NT5DC4: variants seen among roughly 807,000 people sequenced by gnomAD.
NT5DC4 encodes the protein 5'-nucleotidase domain-containing protein 4.
NT5DC4 carries 44 observed loss-of-function variants against 26.6 expected under a neutral mutation model. That is an observed-to-expected ratio of 1.65 (90% CI 1.30 to 2.13). NT5DC4 has a LOEUF of 2.13. Ranked by LOEUF, NT5DC4 falls within the 30% of genes most tolerant of loss-of-function variation. NT5DC4 has a pLI of 0.00. For missense variants in NT5DC4, 399 were observed against 228.1 expected, an observed-to-expected ratio of 1.75 and a Z score of -4.83; for synonymous variants, 157 against 86.7, an observed-to-expected ratio of 1.81 and a Z score of -4.51.
chr2:112,729,874 C>T (rs78197910), intron 16 of NT5DC4, among the ~76,000 whole-genome samples, 170 bp downstream of exon 16: 8 of 152,026 alleles, frequency 5.3e-5, no homozygotes, highest in South Asian at 2.1e-4. Context: ...TGTAAAAATG[C>T]GTATTATTTT....
Position 112,721,990 on chromosome 2 carries a change from C to T in NT5DC4, c.153C>T (p.Tyr51=). ...ATTCTGTCCGGGCCTCTGCAGCCTACAAGTCCCCAGCTTATGAGGCCCTGA... is the reference window on the plus strand; with the variant it reads ...ATTCTGTCCGGGCCTCTGCAGCCTATAAGTCCCCAGCTTATGAGGCCCTGA... ...GFDMDYTLAA[Y]KSPAYEALTF... is the part of the protein sequence containing the mutation. Residue 51 remains tyrosine, a synonymous_variant, in exon 3 of 17, where the codon TAC becomes TAT. Transcript: ENST00000688554. 2 of 717,310 alleles carry T rather than the reference C, an allele frequency of 2.8e-6. No homozygotes were observed. The highest frequency in any genetic ancestry group is 5.2e-6 in the Non-Finnish European group (2 of 385,086). The allele number at this position is 717,310 out of a possible 1,614,324, so 44.4% of individuals were successfully genotyped here.
Position 112,738,964 on chromosome 2 carries a change from G to A in NT5DC4, c.*28G>A, listed in dbSNP as rs1183232013. On this transcript the variant is annotated 3_prime_UTR_variant, in exon 17 of 17. Coordinates refer to ENST00000688554, the MANE Select transcript of NT5DC4 (RefSeq NM_001393655.1). ...CGTGTTCCTGCAGCATTTCTGGGTA[G>A]CGGGACACTGCTCGCTCAATCCTCG... is the stretch of plus-strand genomic sequence containing the variant. 6.2e-7 allele frequency: 1 copy of A among 1,614,200 alleles called. No homozygotes were observed. The highest frequency in any genetic ancestry group is 8.5e-7 in the Non-Finnish European group (1 of 1,180,032).
rs767313662 is a variant in NT5DC4, at chr2:112,724,844, C to G, written c.853C>G (p.Pro285Ala). 1.4e-6 allele frequency: 1 copy of G among 717,230 alleles called. No individual in the cohort carries two copies. Among genetic ancestry groups the G allele is most frequent in the South Asian group, 1.5e-5 (1 of 67,600 alleles). The allele number at this position is 717,230 out of a possible 1,614,324, so 44.4% of individuals were successfully genotyped here. A position where few individuals can be genotyped will look rare whatever the true frequency, so the allele number is the denominator to read the frequency against. Residue 285 changes from proline (P) to alanine (A), a missense_variant, in exon 11 of 17, where the codon CCC becomes GCC. Transcript: ENST00000688554. ...FDLIVVDTQK[P>A]HFFAEGLVLR... ...CCTGATCGTGGTGGACACGCAGAAG[C>G]CCCACTTCTTTGCAGAGGGGTTGGT...
At chr2:112,735,920 G>T (rs994172838) in intron 16 of NT5DC4, among the ~76,000 whole-genome samples, 1 of 152,152 alleles carries the variant, frequency 6.6e-6, no homozygotes, top group Non-Finnish European at 1.5e-5. Context: ...AATACTGTGA[G>T]ACATCCTGCA....
At chr2:112,741,465 T>C (rs1040138644), downstream of NT5DC4, among the ~76,000 whole-genome samples, 2 of 152,180 alleles carry the variant, frequency 1.3e-5, no homozygotes, top group African/African-American at 4.8e-5. Context: ...AAAAACTGTC[T>C]TGCATTAATA....
chr2:112,721,914 G>A (rs752853332), intron 2 of NT5DC4, 23 bp downstream of exon 2: 21 of 717,274 alleles, frequency 2.9e-5, no homozygotes, highest in East Asian at 1.9e-4. Flanking sequence ...GGAACACAGC[G>A]TATTGGGAGC....
chr2:112,722,255 C>A lies in NT5DC4; in HGVS notation c.339C>A (p.Ala113=). ...CCCACGGGAATGTGCTGCTGGGTGC[C>A]TATGGCTTCACCTTCCTCTCGGAGT... ...VDAHGNVLLG[A]YGFTFLSDLP... is the part of the protein sequence containing the mutation. The change falls in exon 4 of 17, where the codon GCC becomes GCA. Residue 113 remains alanine, a synonymous_variant. Transcript: ENST00000688554. The A allele has an allele frequency of 1.4e-6, 1 of 717,074 alleles. No homozygotes were observed. The highest frequency in any genetic ancestry group is 1.5e-5 in the South Asian group (1 of 67,606). 44.4% of individuals were successfully genotyped at this position (717,074 alleles called of 1,614,324 possible).
intron 16 of NT5DC4, chr2:112,737,738 A>G (rs1409609653): frequency 6.6e-6 from 1 of 152,182 alleles, no homozygotes; most frequent in Non-Finnish European, 1.5e-5. Flanking sequence ...CTTTGATCAA[A>G]GTCCATTCTC....
chr2:112,741,234 G>A (rs1179449902), downstream of NT5DC4, among the ~76,000 whole-genome samples: 1 of 152,056 alleles, frequency 6.6e-6, no homozygotes, highest in Non-Finnish European at 1.5e-5. Flanking sequence ...CAGCCCCCGA[G>A]ACTGCTGTAC....
chr2:112,726,927 C>T (rs1336604673), intron 15 of NT5DC4, 189 bp downstream of exon 15: 2 of 626,408 alleles, frequency 3.2e-6, no homozygotes, highest in Non-Finnish European at 5.8e-6. Context: ...CAAAGGGCAG[C>T]GGTACCCTCT....
chr2:112,724,283 C>T, intron 10 of NT5DC4, 157 bp downstream of exon 10: 2 of 659,466 alleles, frequency 3.0e-6, no homozygotes, highest in South Asian at 1.7e-5. Flanking sequence ...TGGAAGCTCC[C>T]CAGTGGGTAG....
chr2:112,721,628 TCA>T (rs1194829908), intron 1 of NT5DC4, 188 bp from the exon 2 acceptor site: 1 of 716,972 alleles, frequency 1.4e-6, no homozygotes, highest in Non-Finnish European at 2.6e-6. Context: ...ACATGCACAC[TCA>T]CACTTGCCTT....
rs1159925922 is a variant in NT5DC4 at position 112,735,290 on chromosome 2, C to T, written c.1345-3623C>T. Among the ~76,000 whole-genome samples the T allele has an allele frequency of 2.6e-5, 4 of 152,034 alleles. No homozygotes were observed. The East Asian group carries it at 5.8e-4, about 22-fold the overall frequency. On this transcript the variant is annotated intron_variant, in intron 16 of 16. Coordinates refer to ENST00000688554, the MANE Select transcript of NT5DC4 (RefSeq NM_001393655.1). ...AACTCCCGACATCAAATGATCCACC[C>T]GCCTCGACTTCCCAAAGTGCTGGGA...
upstream of NT5DC4, among the ~76,000 whole-genome samples, chr2:112,719,840 T>TTCCCTCCCTCCTTCCC (rs1676657762): frequency 1.3e-5 from 1 of 78,334 alleles, no homozygotes. Flanking sequence ...CCTTCCTTCC[T>TTCCCTCCCTCCTTCCC]TCCCTCCCTC....
chr2:112,721,744 AC>A (rs1676887793), intron 1 of NT5DC4, 73 bp from the exon 2 acceptor site: 5 of 716,316 alleles, frequency 7.0e-6, no homozygotes, highest in South Asian at 5.9e-5. Context: ...CGGGGTTTCC[AC>A]CCCCTCTGTC....
rs200736867 is a variant in NT5DC4, at chr2:112,738,771, TC to T, written c.1345-141del. 5.9e-4 allele frequency: 732 copies of T among 1,234,350 alleles called. 9 individuals are homozygous for T. In the East Asian group the frequency reaches 0.014, roughly 23 times the overall value. The allele number at this position is 1,234,350 out of a possible 1,614,324, so 76.5% of individuals were successfully genotyped here. On this transcript the variant is annotated intron_variant, in intron 16 of 16. Transcript: ENST00000688554. ...TCCAGGTCACTTGGACAAGAATATTTCTTGTCTTATGTTGGTTCTGAAACAC... is the reference window on the plus strand; with the variant it reads ...TCCAGGTCACTTGGACAAGAATATTTTTGTCTTATGTTGGTTCTGAAACAC...
intron 16 of NT5DC4, among the ~76,000 whole-genome samples, chr2:112,734,505 T>G (rs1194749066): frequency 6.6e-6 from 1 of 152,220 alleles, no homozygotes; most frequent in Non-Finnish European, 1.5e-5. Flanking sequence ...AGCATCTTTC[T>G]AATGAAAGTC....
At chr2:112,730,134 G>T (rs1462772353) in intron 16 of NT5DC4, among the ~76,000 whole-genome samples, 2 of 151,916 alleles carry the variant, frequency 1.3e-5, no homozygotes, top group African/African-American at 4.8e-5. Flanking sequence ...CCAACATGGT[G>T]AAAACCCGTC....
intron 1 of NT5DC4, among the ~76,000 whole-genome samples, 131 bp downstream of exon 1, chr2:112,721,284 T>C (rs912355866): frequency 6.6e-6 from 1 of 152,210 alleles, no homozygotes; most frequent in Non-Finnish European, 1.5e-5. Flanking sequence ...ACACTTGCAC[T>C]CACAAGGGAC....
Sources: allele counts gnomAD v4.1 joint callset (sites outside exome capture counted in the v4.1 genomes callset), GRCh38; gene constraint gnomAD v4.1.1; transcripts MANE v1.5; gene names NCBI Gene and HGNC (gene_info 2026-07-23, HGNC 2026-07-21).